FANCA: variants seen among roughly 807,000 people sequenced by gnomAD.
The protein encoded by FANCA is Fanconi anemia group A protein.
A neutral mutation model predicts 194.3 loss-of-function variants in FANCA; 236 were observed. That is an observed-to-expected ratio of 1.21 (90% CI 1.09 to 1.35). FANCA has a LOEUF of 1.35. Ranked by LOEUF, FANCA falls within the 40% of genes most tolerant of loss-of-function variation. The probability of loss-of-function intolerance (pLI) is 0.00; values close to 1 mark genes in which losing one functional copy is unlikely to be tolerated. For synonymous variants in FANCA, 1,014 were observed against 715.8 expected, an observed-to-expected ratio of 1.42 and a Z score of -6.65; for missense variants, 2,628 against 1,813.9, an observed-to-expected ratio of 1.45 and a Z score of -8.15.
At chr16:89,764,823 C>A in intron 28 of FANCA, 67 bp downstream of exon 28, 3 of 1,567,174 alleles carry the variant, frequency 1.9e-6, no homozygotes, top group Non-Finnish European at 2.6e-6. Flanking sequence ...CTGTTCTTGC[C>A]CGAGGAGCAC....
intron 29 of FANCA, 65 bp downstream of exon 29, chr16:89,761,884 C>G: frequency 7.4e-7 from 1 of 1,352,148 alleles, no homozygotes; most frequent in Non-Finnish European, 1.1e-6. Context: ...CTCAGCCTCC[C>G]AAAGTGCTGG....
chr16:89,761,923 C>G (rs2038965945), intron 29 of FANCA, 26 bp downstream of exon 29: 1 of 1,595,984 alleles, frequency 6.3e-7, no homozygotes, highest in African/African-American at 1.3e-5. Context: ...TCATGCCTGG[C>G]CAGGGTAGCT....
chr16:89,785,853 G>GTTTTTTTTTTTTTT lies in FANCA; in HGVS notation c.1360-890_1360-889insAAAAAAAAAAAAAA, dbSNP rs370594051. Reference sequence around the variant, plus strand: ...TCTTTCTGAAAGCGTGCAAAATTGTGTTTTGTTTTTTTTTTTTTGGAGACA... The same window carrying GTTTTTTTTTTTTTT: ...TCTTTCTGAAAGCGTGCAAAATTGTGTTTTTTTTTTTTTTTTTTGTTTTTTTTTTTTTGGAGACA... On this transcript the variant is annotated intron_variant, in intron 14 of 42. Coordinates refer to ENST00000389301, the MANE Select transcript of FANCA (RefSeq NM_000135.4). Among the ~76,000 whole-genome samples, 2 of 113,166 alleles carry GTTTTTTTTTTTTTT rather than the reference G, an allele frequency of 1.8e-5. 1 individual carries two copies. Among genetic ancestry groups the GTTTTTTTTTTTTTT allele is most frequent in the Non-Finnish European group, 3.4e-5 (2 of 58,696 alleles). 74.2% of individuals were successfully genotyped at this position (113,166 alleles called of 152,430 possible).
intron 28 of FANCA, among the ~76,000 whole-genome samples, chr16:89,763,430 C>T (rs1210442624): frequency 1.9e-4 from 27 of 141,304 alleles, no homozygotes. Context: ...GACATCTCAG[C>T]CTCCCAAAGT....
Position 89,740,822 on chromosome 16 carries a change from C to A in FANCA, c.3810G>T (p.Ser1270=), listed in dbSNP as rs138144828. The A allele has an allele frequency of 1.2e-6, 2 of 1,613,334 alleles. No homozygotes were observed. The highest frequency in any genetic ancestry group is 2.7e-5 in the African/African-American group (2 of 74,814). ...LFFFSLMGLL[S]SHLTSNSTTD... The stretch of plus-strand genomic sequence containing the variant: ...GACTTACATTTGAGGTCAGATGTGA[C>A]GACAGCAGGCCCATCAAGGAGAAGA... Residue 1270 remains serine, a synonymous_variant, in exon 38 of 43, where the codon TCG becomes TCT. Transcript: ENST00000389301.
chr16:89,740,682 C>G, intron 38 of FANCA, 122 bp downstream of exon 38: 1 of 749,014 alleles, frequency 1.3e-6, no homozygotes, highest in Non-Finnish European at 2.3e-6. Flanking sequence ...CTCACTCACA[C>G]TTCCGCAAAC....
intron 6 of FANCA, among the ~76,000 whole-genome samples, 165 bp from the exon 7 acceptor site, chr16:89,805,557 C>G (rs936615198): frequency 1.3e-5 from 2 of 152,034 alleles, no homozygotes; most frequent in Non-Finnish European, 2.9e-5. Context: ...CTCCCAGGCT[C>G]AAGCAATCCT....
rs754170870 is a variant in FANCA at position 89,738,935 on chromosome 16, G to GA, written c.4206dup (p.Leu1403SerfsTer22). On this transcript the variant is annotated frameshift_variant, in exon 42 of 43. Transcript: ENST00000389301. LOFTEE classifies it high-confidence loss of function. ...GGGCACCGAGGTATTAACTGCAGCA[G>GA]AAAAAGACGAGCTTTTGTTATCAGT... 6.2e-7 allele frequency: 1 copy of GA among 1,614,250 alleles called. No individual in the cohort carries two copies. The highest frequency in any genetic ancestry group is 8.5e-7 in the Non-Finnish European group (1 of 1,180,048).
rs1374769712 is a variant in FANCA, at chr16:89,742,930, G to GA, written c.3634dup (p.Ser1212PhefsTer3). On this transcript the variant is annotated frameshift_variant, in exon 37 of 43. Transcript: ENST00000389301. LOFTEE classifies it high-confidence loss of function. ...GGGTGCTGGGGAGGCAGCCTCAGGG[G>GA]AGAGGAAACTGGGACAGAGAGAACG... 3 of 1,613,926 alleles carry GA rather than the reference G, an allele frequency of 1.9e-6. No individual in the cohort carries two copies. The African/African-American group carries it at 4.0e-5, about 22-fold the overall frequency.
At chr16:89,814,866 G>A (rs1377386763) in intron 2 of FANCA, among the ~76,000 whole-genome samples, 3 of 151,860 alleles carry the variant, frequency 2.0e-5, no homozygotes, top group Non-Finnish European at 2.9e-5. Flanking sequence ...ACTTAAACCC[G>A]GGAGGTGGAG....
chr16:89,742,755 C>G, intron 37 of FANCA, 45 bp downstream of exon 37: 1 of 1,602,174 alleles, frequency 6.2e-7, no homozygotes, highest in Non-Finnish European at 8.5e-7. Context: ...TGATTGAAAC[C>G]AAGCTTGCGA....
At chr16:89,769,255 G>A (rs1256259676) in intron 26 of FANCA, among the ~76,000 whole-genome samples, 1 of 152,202 alleles carries the variant, frequency 6.6e-6, no homozygotes, top group African/African-American at 2.4e-5. Context: ...ACTCCCACCA[G>A]AGTCTCCCAG....
chr16:89,801,742 G>C (rs948025804), intron 8 of FANCA, among the ~76,000 whole-genome samples: 3 of 151,920 alleles, frequency 2.0e-5, no homozygotes, highest in African/African-American at 7.3e-5. Context: ...ACAAAAATTA[G>C]CTGGGCATGG....
At chr16:89,774,428 G>C (rs2039425001) in intron 21 of FANCA, among the ~76,000 whole-genome samples, 1 of 152,048 alleles carries the variant, frequency 6.6e-6, no homozygotes, top group East Asian at 1.9e-4. Flanking sequence ...CAACTGAGAG[G>C]TCATGCTCTC....
At chr16:89,803,450 C>G in intron 7 of FANCA, 109 bp from the exon 8 acceptor site, 1 of 967,632 alleles carries the variant, frequency 1.0e-6, no homozygotes, top group Non-Finnish European at 1.7e-6. Flanking sequence ...TGGCTTGGGC[C>G]CACCAGGACC....
intron 6 of FANCA, among the ~76,000 whole-genome samples, chr16:89,805,820 T>C (rs1024837218): frequency 6.6e-6 from 1 of 152,220 alleles, no homozygotes; most frequent in Admixed American, 6.5e-5. Context: ...TTCCCTTCTG[T>C]TGTTTATTCT....
chr16:89,764,867 CAGG>C lies in FANCA; in HGVS notation c.2778+20_2778+22del, dbSNP rs778787539. 1 of 1,611,166 alleles carries C rather than the reference CAGG, an allele frequency of 6.2e-7. No individual in the cohort carries two copies. The highest frequency in any genetic ancestry group is 8.5e-7 in the Non-Finnish European group (1 of 1,178,056). ...CCTAGACTCAGGACGTGGCATGATG[CAGG>C]AGAAGGAACGGTCACCTACGTGAAC... On this transcript the variant is annotated intron_variant, in intron 28 of 42. Transcript: ENST00000389301.
chr16:89,782,830 G>C, intron 17 of FANCA, 29 bp downstream of exon 17: 4 of 1,597,158 alleles, frequency 2.5e-6, no homozygotes, highest in Non-Finnish European at 3.4e-6. Flanking sequence ...GTGACTGGCT[G>C]AGACCCTGCA....
At chr16:89,792,893 CAG>C (rs1253910070) in intron 11 of FANCA, among the ~76,000 whole-genome samples, 2 of 152,086 alleles carry the variant, frequency 1.3e-5, no homozygotes, top group Non-Finnish European at 2.9e-5. Context: ...GAAGCCGAGG[CAG>C]AGAGGGAGAG....
Sources: allele counts gnomAD v4.1 joint callset (sites outside exome capture counted in the v4.1 genomes callset), GRCh38; gene constraint gnomAD v4.1.1; transcripts MANE v1.5; gene names NCBI Gene and HGNC (gene_info 2026-07-23, HGNC 2026-07-21).